SAT2: variants seen among roughly 807,000 people sequenced by gnomAD.
SAT2 encodes thialysine N-epsilon-acetyltransferase.
Under a neutral mutation model 24.8 loss-of-function variants are expected in SAT2, and 19 were observed. The ratio of observed to expected loss-of-function variants is 0.77; its 90% CI spans 0.53 to 1.12. The LOEUF (loss-of-function observed/expected upper bound fraction) is 1.12. Ranked by LOEUF, SAT2 falls within the 50% of genes most tolerant of loss-of-function variation. The probability of loss-of-function intolerance (pLI) is 0.00; values close to 1 mark genes in which losing one functional copy is unlikely to be tolerated. For synonymous variants in SAT2, 77 were observed against 77.4 expected (o/e 0.99, Z 0.03); for missense variants, 190 against 210.7 (o/e 0.90, Z 0.61).
chr17:7,626,948 T>C lies in SAT2; in HGVS notation c.299A>G (p.Tyr100Cys). 1 of 1,613,788 alleles carries C rather than the reference T, an allele frequency of 6.2e-7. No individual in the cohort carries two copies. Residue 100 changes from tyrosine to cysteine, a missense_variant, in exon 4 of 6, where the codon TAT (tyrosine) becomes TGT (cysteine). Transcript: ENST00000269298. ...YLEDIYVMPE[Y>C]RGQGIGSKII... ...CCTCAGCTTCTGCCCAGTACCCCGA[T>C]ATTCCGGCATCACATAGATATCCTC...
At chr17:7,626,916 A>G in intron 4 of SAT2, 27 bp downstream of exon 4, 1 of 1,610,454 alleles carries the variant, frequency 6.2e-7, no homozygotes, top group Non-Finnish European at 8.5e-7. Context: ...CTTTGCTCCC[A>G]CCCCAGCCTC....
chr17:7,627,286 C>A lies in SAT2; in HGVS notation c.119-60G>T. 2 of 1,612,040 alleles carry A rather than the reference C, an allele frequency of 1.2e-6. No homozygotes were observed. Among genetic ancestry groups the A allele is most frequent in the South Asian group, 2.2e-5 (2 of 91,020 alleles). The stretch of plus-strand genomic sequence containing the variant: ...AAAGAGGACGTGGGTGTATGCCCAG[C>A]CTGGAGCTGTCGCCTGGGGAACCCA... On this transcript the variant is annotated intron_variant, in intron 2 of 5. Transcript: ENST00000269298. The surrounding 1 kb of genome is among the most constrained non-coding windows in gnomAD (Gnocchi z 4.8).
Position 7,626,407 on chromosome 17 carries a change from G to T in SAT2, c.*40C>A. On this transcript the variant is annotated 3_prime_UTR_variant, in exon 6 of 6. Coordinates refer to ENST00000269298, the MANE Select transcript of SAT2 (RefSeq NM_133491.5). ...TCTGAAGAGTGCTTCAGCTGATGGG[G>T]AAGGAGAAACTCAAGACAGAGATCC... 6.2e-7 allele frequency: 1 copy of T among 1,606,754 alleles called. No individual in the cohort carries two copies. Among genetic ancestry groups the T allele is most frequent in the South Asian group, 1.1e-5 (1 of 90,484 alleles).
Position 7,627,700 on chromosome 17 carries a change from G to A in SAT2, c.-65C>T, listed in dbSNP as rs1244323183. On this transcript the variant is annotated 5_prime_UTR_variant, in exon 1 of 6. Transcript: ENST00000269298. The surrounding 1 kb of genome is among the most constrained non-coding windows in gnomAD (Gnocchi z 4.8). ...GCAAACGGCAACTAGACCCCTTAAA[G>A]GGCCTACGGACTTGGATCCTGAAGA... 1.9e-6 allele frequency: 3 copies of A among 1,577,748 alleles called. No homozygotes were observed. Among genetic ancestry groups the A allele is most frequent in the Non-Finnish European group, 2.6e-6 (3 of 1,147,212 alleles).
chr17:7,627,389 G>A lies in SAT2; in HGVS notation c.92C>T (p.Ser31Leu), dbSNP rs1013988186. ...IRELAEFEKL[S>L]DQVKISEEAL... ...TTCTTCACTGATCTTCACCTGATCC[G>A]AGAGTTTTTCGAATTCGGCTAGCTC... is the stretch of plus-strand genomic sequence containing the variant. The change falls in exon 2 of 6, where the codon TCG (serine) becomes TTG (leucine). Residue 31 changes from serine to leucine, a missense_variant. Coordinates refer to ENST00000269298, the MANE Select transcript of SAT2 (RefSeq NM_133491.5). This position sits in a 1 kb window ranked among gnomAD's most constrained non-coding sequence, Gnocchi z 4.8. 20 of 1,613,948 alleles carry A rather than the reference G, an allele frequency of 1.2e-5. No individual in the cohort carries two copies. The highest frequency in any genetic ancestry group is 1.6e-5 in the Non-Finnish European group (19 of 1,180,010).
rs759398278 is a variant in SAT2, at chr17:7,627,388, C to T, written c.93G>A (p.Ser31=). The change falls in exon 2 of 6, where the codon TCG becomes TCA. Residue 31 remains serine, a synonymous_variant. Transcript: ENST00000269298. This position sits in a 1 kb window ranked among gnomAD's most constrained non-coding sequence, Gnocchi z 4.8. ...CTTCTTCACTGATCTTCACCTGATC[C>T]GAGAGTTTTTCGAATTCGGCTAGCT... ...IRELAEFEKL[S]DQVKISEEAL... is the part of the protein sequence containing the mutation. 1.4e-5 allele frequency: 22 copies of T among 1,614,092 alleles called. No individual in the cohort carries two copies. In the East Asian group the frequency reaches 2.0e-4, roughly 15 times the overall value.
chr17:7,627,037 G>T lies in SAT2; in HGVS notation c.210C>A (p.Cys70Ter). Residue 70 changes from cysteine to a stop codon, truncating the protein, a stop_gained, in exon 4 of 6, where the codon TGC (cysteine) becomes TGA (stop). Transcript: ENST00000269298. LOFTEE classifies it high-confidence loss of function. The surrounding 1 kb of genome is among the most constrained non-coding windows in gnomAD (Gnocchi z 4.8). ...AATAGTATATCCCATAGCCCACCAC[G>T]CAGGGCCCTGAGAGAGAGAAAAGGG... ...LPAPGKLLGP[C>*]VVGYGIYYFI... 4.3e-6 allele frequency: 7 copies of T among 1,613,816 alleles called. No individual in the cohort carries two copies. The highest frequency in any genetic ancestry group is 5.9e-6 in the Non-Finnish European group (7 of 1,179,816).
Position 7,627,815 on chromosome 17 carries a change from A to T in SAT2, c.-180T>A, listed in dbSNP as rs1397874001. The T allele has an allele frequency of 1.4e-6, 1 of 705,364 alleles. No individual in the cohort carries two copies. Among genetic ancestry groups the T allele is most frequent in the African/African-American group, 1.8e-5 (1 of 56,816 alleles). 43.7% of individuals were successfully genotyped at this position (705,364 alleles called of 1,614,324 possible). On this transcript the variant is annotated 5_prime_UTR_variant, in exon 1 of 6. Coordinates refer to ENST00000269298, the MANE Select transcript of SAT2 (RefSeq NM_133491.5). The surrounding 1 kb of genome is among the most constrained non-coding windows in gnomAD (Gnocchi z 4.8). ...AGCTGGGATTCCGGCGCCGTACGGG[A>T]GGAGAGAGTAGGCCAGCGAGGCGAT...
rs2072264528 is a variant in SAT2 at position 7,627,742 on chromosome 17, T to G, written c.-107A>C. 3.0e-5 allele frequency: 33 copies of G among 1,087,440 alleles called. No homozygotes were observed. Among genetic ancestry groups the G allele is most frequent in the African/African-American group, 6.6e-5 (4 of 60,680 alleles). The allele number at this position is 1,087,440 out of a possible 1,614,324, so 67.4% of individuals were successfully genotyped here. A position where few individuals can be genotyped will look rare whatever the true frequency, so the allele number is the denominator to read the frequency against. ...TCCTGAAGAGCCTGAGAGAGCGGGG[T>G]GGCGGGAGTCGGGGGGGACGGCGGG... On this transcript the variant is annotated 5_prime_UTR_variant, in exon 1 of 6. Transcript: ENST00000269298. This position sits in a 1 kb window ranked among gnomAD's most constrained non-coding sequence, Gnocchi z 4.8.
chr17:7,627,070 G>C lies in SAT2; in HGVS notation c.203-26C>G, dbSNP rs925981840. The C allele has an allele frequency of 6.2e-7, 1 of 1,613,164 alleles. No homozygotes were observed. Among genetic ancestry groups the C allele is most frequent in the Non-Finnish European group, 8.5e-7 (1 of 1,179,156 alleles). ...CTGAGAGAGAGAAAAGGGGAGTAAG[G>C]CTTCTGGAAGCCTGTGGGGAGACCT... is the stretch of plus-strand genomic sequence containing the variant. On this transcript the variant is annotated intron_variant, in intron 3 of 5. Transcript: ENST00000269298. The surrounding 1 kb of genome is among the most constrained non-coding windows in gnomAD (Gnocchi z 4.8).
Position 7,627,170 on chromosome 17 carries a change from T to C in SAT2, c.175A>G (p.Ile59Val). ...AGTAGCTTCCCGGGCGCTGGAAGAATCTCTGCTACCAAACAGTGATAGAAA... is the reference window on the plus strand; with the variant it reads ...AGTAGCTTCCCGGGCGCTGGAAGAACCTCTGCTACCAAACAGTGATAGAAA... ...NPFYHCLVAE[I>V]LPAPGKLLGP... Residue 59 changes from isoleucine (I) to valine (V), a missense_variant, in exon 3 of 6, where the codon ATT becomes GTT. Physicochemically the swap from Ile to Val is conservative, Grantham distance 29. Coordinates refer to ENST00000269298, the MANE Select transcript of SAT2 (RefSeq NM_133491.5). This position sits in a 1 kb window ranked among gnomAD's most constrained non-coding sequence, Gnocchi z 4.8. The C allele has an allele frequency of 6.2e-7, 1 of 1,614,068 alleles. No individual in the cohort carries two copies. Among genetic ancestry groups the C allele is most frequent in the South Asian group, 1.1e-5 (1 of 91,078 alleles).
In SAT2 at chr17:7,627,155, C is replaced by A; in HGVS notation, c.190G>T (p.Gly64Trp). 1 of 1,614,080 alleles carries A rather than the reference C, an allele frequency of 6.2e-7. No individual in the cohort carries two copies. The highest frequency in any genetic ancestry group is 8.5e-7 in the Non-Finnish European group (1 of 1,180,016). Residue 64 changes from glycine to tryptophan, a missense_variant, in exon 3 of 6, where the codon GGG becomes TGG. Transcript: ENST00000269298. This position sits in a 1 kb window ranked among gnomAD's most constrained non-coding sequence, Gnocchi z 4.8. ...CAGGTGCTCTTACCCAGTAGCTTCC[C>A]GGGCGCTGGAAGAATCTCTGCTACC... ...CLVAEILPAP[G>W]KLLGPCVVGY...
rs377237253 is a variant in SAT2 at position 7,626,893 on chromosome 17, G to C, written c.304+50C>G. 3.8e-5 allele frequency: 61 copies of C among 1,600,298 alleles called. No individual in the cohort carries two copies. The African/African-American group carries it at 7.4e-4, about 19-fold the overall frequency. ...CTCTGGGGACAGGGGATAACAGTGG[G>C]GTCTGTGGGGTGCTTTGCTCCCACC... On this transcript the variant is annotated intron_variant, in intron 4 of 5. Transcript: ENST00000269298.
Position 7,627,155 on chromosome 17 carries a change from C to T in SAT2, c.190G>A (p.Gly64Arg), listed in dbSNP as rs780474073. ...CLVAEILPAP[G>R]KLLGPCVVGY... ...CAGGTGCTCTTACCCAGTAGCTTCC[C>T]GGGCGCTGGAAGAATCTCTGCTACC... Residue 64 changes from glycine (G) to arginine (R), a missense_variant, in exon 3 of 6, where the codon GGG (glycine) becomes AGG (arginine). Coordinates refer to ENST00000269298, the MANE Select transcript of SAT2 (RefSeq NM_133491.5). This position sits in a 1 kb window ranked among gnomAD's most constrained non-coding sequence, Gnocchi z 4.8. The T allele has an allele frequency of 6.2e-6, 10 of 1,614,080 alleles. No homozygotes were observed. The highest frequency in any genetic ancestry group is 1.1e-5 in the South Asian group (1 of 91,080).
At chr17:7,626,647 G>A (rs1274690412) in intron 5 of SAT2, 33 bp from the exon 6 acceptor site, 1 of 1,610,514 alleles carries the variant, frequency 6.2e-7, no homozygotes, top group Non-Finnish European at 8.5e-7. Flanking sequence ...CTTTTCTGGG[G>A]TCAAAAAAGA....
In SAT2 at chr17:7,627,675, G is replaced by T. The variant is rs887814822; in HGVS notation, c.-40C>A. 4 of 1,612,654 alleles carry T rather than the reference G, an allele frequency of 2.5e-6. 1 individual carries two copies. The Admixed American group carries it at 5.0e-5, about 20-fold the overall frequency. On this transcript the variant is annotated 5_prime_UTR_variant, in exon 1 of 6. Transcript: ENST00000269298. This position sits in a 1 kb window ranked among gnomAD's most constrained non-coding sequence, Gnocchi z 4.8. ...TCTGGGACCAAAGTCCCAGGGCCTC[G>T]CAAACGGCAACTAGACCCCTTAAAG...
In SAT2 at chr17:7,627,585, G is replaced by T. The variant is rs751888601; in HGVS notation, c.51C>A (p.Ile17=). Residue 17 remains isoleucine (I), a synonymous_variant, in exon 1 of 6, where the codon ATC becomes ATA. Coordinates refer to ENST00000269298, the MANE Select transcript of SAT2 (RefSeq NM_133491.5). This position sits in a 1 kb window ranked among gnomAD's most constrained non-coding sequence, Gnocchi z 4.8. The part of the protein sequence containing the change: ...REAKEGDCGD[I]LRLIRELAEF... The stretch of plus-strand genomic sequence containing the variant: ...CAGTCTTCACCCGAATCAGCCTCAG[G>T]ATATCTCCACAGTCTCCCTCCTTGG... 1.2e-6 allele frequency: 2 copies of T among 1,611,728 alleles called. No homozygotes were observed. The highest frequency in any genetic ancestry group is 2.2e-5 in the South Asian group (2 of 90,824).
chr17:7,626,614 C>T lies in SAT2; in HGVS notation c.346G>A (p.Val116Met). The change falls in exon 6 of 6, where the codon GTG (valine) becomes ATG (methionine). Residue 116 changes from valine (V) to methionine (M), a missense_variant and splice_region_variant. Coordinates refer to ENST00000269298, the MANE Select transcript of SAT2 (RefSeq NM_133491.5). ...GSKIIKKVAE[V>M]ALDKGCSQFR... is the part of the protein sequence containing the mutation. ...TGGGAGCAGCCCTTATCCAAGGCCACCTGTGGGAGAAGACAACACTAACTT... is the reference window on the plus strand; with the variant it reads ...TGGGAGCAGCCCTTATCCAAGGCCATCTGTGGGAGAAGACAACACTAACTT... 1 of 1,612,118 alleles carries T rather than the reference C, an allele frequency of 6.2e-7. No homozygotes were observed. Among genetic ancestry groups the T allele is most frequent in the South Asian group, 1.1e-5 (1 of 90,934 alleles).
chr17:7,627,726 G>A lies in SAT2; in HGVS notation c.-91C>T, dbSNP rs1219548512. The A allele has an allele frequency of 1.4e-6, 2 of 1,448,538 alleles. No homozygotes were observed. Among genetic ancestry groups the A allele is most frequent in the Admixed American group, 1.7e-5 (1 of 58,024 alleles). The allele number at this position is 1,448,538 out of a possible 1,614,324, so 89.7% of individuals were successfully genotyped here. ...GGCCTACGGACTTGGATCCTGAAGA[G>A]CCTGAGAGAGCGGGGTGGCGGGAGT... On this transcript the variant is annotated 5_prime_UTR_variant, in exon 1 of 6. Transcript: ENST00000269298. This position sits in a 1 kb window ranked among gnomAD's most constrained non-coding sequence, Gnocchi z 4.8.
Sources: gnomAD v4.1 joint callset for allele counts on GRCh38, gnomAD v4.1.1 for gene constraint, Gnocchi (gnomAD v3.1) non-coding constraint, MANE v1.5 for transcripts, NCBI Gene and HGNC (gene_info 2026-07-23, HGNC 2026-07-21) for gene names.